Variants in CACNA2D1 observed in about 807,000 individuals in gnomAD.
CACNA2D1 encodes the protein calcium voltage-gated channel auxiliary subunit alpha2delta 1.
In CACNA2D1, 53 loss-of-function variants were observed where a neutral mutation model predicts 171.5. The observed-to-expected ratio is 0.31, with a 90% CI of 0.25 to 0.39. The LOEUF is 0.39. CACNA2D1 is among the 10% of genes least tolerant of loss of function. The pLI is 1.00. For missense variants in CACNA2D1, 903 were observed against 1,299.8 expected, an observed-to-expected ratio of 0.69 and a Z score of 4.69; for synonymous variants, 442 against 443.1, an observed-to-expected ratio of 1.00 and a Z score of 0.03.
At chr7:82,246,524 T>C (rs1025506263) in intron 3 of CACNA2D1, among the ~76,000 whole-genome samples, 5 of 152,210 alleles carry the variant, frequency 3.3e-5, no homozygotes, top group Non-Finnish European at 7.3e-5. Flanking sequence ...GGACAAAGCC[T>C]CTTCTTTAAG....
At chr7:82,032,935 G>T in intron 11 of CACNA2D1, 34 bp from the exon 12 acceptor site, 1 of 1,098,026 alleles carries the variant, frequency 9.1e-7, no homozygotes. Flanking sequence ...AACAATATGC[G>T]TATTATTCAC....
At chr7:82,266,026 G>A (rs1468241539) in intron 3 of CACNA2D1, among the ~76,000 whole-genome samples, 1 of 152,094 alleles carries the variant, frequency 6.6e-6, no homozygotes, top group Admixed American at 6.6e-5. Flanking sequence ...CTACAAGATG[G>A]CAAATTTATT....
At chr7:82,339,690 A>G (rs1008465913) in intron 2 of CACNA2D1, among the ~76,000 whole-genome samples, 1 of 152,186 alleles carries the variant, frequency 6.6e-6, no homozygotes, top group South Asian at 2.1e-4. Context: ...CATGGATCAA[A>G]GGTTTAAGTA....
At position 82,367,161 on chromosome 7, in the gene CACNA2D1, C is replaced by T. The variant is rs550476481; in HGVS notation, c.96-17512G>A. Among the ~76,000 whole-genome samples, 81 of 152,100 alleles carry T rather than the reference C, an allele frequency of 5.3e-4. 1 individual carries two copies. In the East Asian group the frequency reaches 8.5e-3, roughly 16 times the overall value. On this transcript the variant is annotated intron_variant, in intron 1 of 38. Transcript: ENST00000356860. ...CTGGGCTCAAGCAATCTTTCCACCT[C>T]AGCCTCCCAAAGGGGTAGGATTACA...
At chr7:82,086,715 TTCTA>T (rs2129013687) in intron 6 of CACNA2D1, among the ~76,000 whole-genome samples, 1 of 152,268 alleles carries the variant, frequency 6.6e-6, no homozygotes, top group South Asian at 2.1e-4. Flanking sequence ...CCCCAATCTA[TTCTA>T]TCTCTTTAAT....
chr7:82,277,725 TTTGA>T (rs201770164), intron 3 of CACNA2D1, among the ~76,000 whole-genome samples: 8,697 of 149,206 alleles, frequency 0.058, 314 homozygotes, highest in Non-Finnish European at 0.065. Flanking sequence ...AAAATGCATA[TTTGA>T]TTTTTTAATT....
At chr7:82,117,827 C>A (rs1347406847) in intron 5 of CACNA2D1, among the ~76,000 whole-genome samples, 1 of 151,976 alleles carries the variant, frequency 6.6e-6, no homozygotes, top group Non-Finnish European at 1.5e-5. Flanking sequence ...TAATAAGAAA[C>A]TAGAGAGGTG....
At chr7:82,373,057 G>A (rs553031955) in intron 1 of CACNA2D1, among the ~76,000 whole-genome samples, 132 of 152,120 alleles carry the variant, frequency 8.7e-4, no homozygotes, top group African/African-American at 3.0e-3. Flanking sequence ...GGTGGCACAC[G>A]CCTGTAGTCC....
rs1584331370 is a variant in CACNA2D1, at chr7:81,994,944, G to A, written c.1663-5C>T. ...ATCAATCATCTTATTTCGAATCTAA[G>A]AGTAAATGAAACAACTACTTTATTC... On this transcript the variant is annotated splice_polypyrimidine_tract_variant and splice_region_variant and intron_variant, in intron 19 of 38. Coordinates refer to ENST00000356860, the MANE Select transcript of CACNA2D1 (RefSeq NM_000722.4). 1 of 1,455,440 alleles carries A rather than the reference G, an allele frequency of 6.9e-7. No homozygotes were observed. Among genetic ancestry groups the A allele is most frequent in the Admixed American group, 1.7e-5 (1 of 59,756 alleles). 90.2% of individuals were successfully genotyped at this position (1,455,440 alleles called of 1,614,324 possible). A position where few individuals can be genotyped will look rare whatever the true frequency, so the allele number is the denominator to read the frequency against.
At position 82,133,795 on chromosome 7, in the gene CACNA2D1, G is replaced by A. The variant is rs142169834; in HGVS notation, c.396+2840C>T. Among the ~76,000 whole-genome samples, 1,311 of 152,200 alleles carry A rather than the reference G, an allele frequency of 8.6e-3. 19 individuals are homozygous for A. Among genetic ancestry groups the A allele is most frequent in the African/African-American group, 0.03 (1,244 of 41,544 alleles). On this transcript the variant is annotated intron_variant, in intron 5 of 38. Coordinates refer to ENST00000356860, the MANE Select transcript of CACNA2D1 (RefSeq NM_000722.4). Reference sequence around the variant, plus strand: ...TGTACTTAAAGAATCATGCAGGGCCGGGCACGGTGGCTCACGCCTGTAATC... The same window carrying A: ...TGTACTTAAAGAATCATGCAGGGCCAGGCACGGTGGCTCACGCCTGTAATC...
At chr7:82,346,031 T>TCCA (rs1819216192) in intron 2 of CACNA2D1, among the ~76,000 whole-genome samples, 1 of 152,142 alleles carries the variant, frequency 6.6e-6, no homozygotes, top group Admixed American at 6.5e-5. Context: ...GTGACTAAGT[T>TCCA]CTAACCACTG....
intron 1 of CACNA2D1, among the ~76,000 whole-genome samples, chr7:82,396,098 C>T (rs915258394): frequency 2.0e-5 from 3 of 152,048 alleles, no homozygotes; most frequent in Non-Finnish European, 4.4e-5. Flanking sequence ...AAAAATAATT[C>T]GCCCTTAAAC....
intron 7 of CACNA2D1, among the ~76,000 whole-genome samples, chr7:82,078,015 G>GAA (rs200733824): frequency 6.6e-6 from 1 of 150,918 alleles, no homozygotes; most frequent in African/African-American, 2.4e-5. Flanking sequence ...TACCTGTATG[G>GAA]AAAAAAAAAG....
intron 5 of CACNA2D1, among the ~76,000 whole-genome samples, chr7:82,119,563 A>C (rs1280493931): frequency 6.6e-6 from 1 of 152,222 alleles, no homozygotes; most frequent in African/African-American, 2.4e-5. Flanking sequence ...ATTTATAAAA[A>C]GCATTGATTT....
chr7:82,101,341 CA>C, intron 6 of CACNA2D1, among the ~76,000 whole-genome samples: 1 of 152,064 alleles, frequency 6.6e-6, no homozygotes, highest in East Asian at 1.9e-4. Context: ...TTGGCATGGC[CA>C]AAGTCTTGGG....
At chr7:82,346,964 C>T (rs988676484) in intron 2 of CACNA2D1, among the ~76,000 whole-genome samples, 5 of 152,022 alleles carry the variant, frequency 3.3e-5, no homozygotes, top group African/African-American at 4.8e-5. Flanking sequence ...AAATTTTAAC[C>T]TTCTCTCAAT....
chr7:82,414,082 G>A (rs1039447757), intron 1 of CACNA2D1, among the ~76,000 whole-genome samples: 1 of 152,046 alleles, frequency 6.6e-6, no homozygotes, highest in African/African-American at 2.4e-5. Context: ...CACTTCTAAT[G>A]ATGTCCAAAC....
rs532484105 is a variant in CACNA2D1 at position 82,153,483 on chromosome 7, T to A, written c.355-16807A>T. On this transcript the variant is annotated intron_variant, in intron 4 of 38. Transcript: ENST00000356860. Reference sequence around the variant, plus strand: ...AGAAGACAAATGCCCAATTGCACAATCTAAAGTTGCTCATGGAAACATTTT... The same window carrying A: ...AGAAGACAAATGCCCAATTGCACAAACTAAAGTTGCTCATGGAAACATTTT... 2.0e-5 allele frequency among the ~76,000 whole-genome samples: 3 copies of A among 152,086 alleles called. No individual in the cohort carries two copies. The South Asian group carries it at 6.2e-4, about 31-fold the overall frequency.
chr7:82,166,928 C>G (rs1252202484), intron 4 of CACNA2D1, among the ~76,000 whole-genome samples: 1 of 151,956 alleles, frequency 6.6e-6, no homozygotes, highest in South Asian at 2.1e-4. Context: ...AGTGCTTTGC[C>G]TTTTGTTCTT....
Sources: allele counts gnomAD v4.1 joint callset (sites outside exome capture counted in the v4.1 genomes callset), GRCh38; gene constraint gnomAD v4.1.1; transcripts MANE v1.5; gene names NCBI Gene and HGNC (gene_info 2026-07-23, HGNC 2026-07-21).